Variants in TEPSIN observed in about 807,000 individuals in gnomAD.
TEPSIN encodes the protein TEPSIN adaptor related protein complex 4 accessory protein.
TEPSIN carries 50 observed loss-of-function variants against 48.5 expected under a neutral mutation model. The observed-to-expected ratio is 1.03, with a 90% confidence interval of 0.82 to 1.31. TEPSIN has a LOEUF of 1.31. TEPSIN is among the 50% of genes most tolerant of loss of function. The pLI, the probability that TEPSIN is intolerant of heterozygous loss-of-function variation, is 0.00. For synonymous variants in TEPSIN, 392 were observed against 358.8 expected (o/e 1.09, Z -1.05); for missense variants, 838 against 815.9 (o/e 1.03, Z -0.33).
In TEPSIN at chr17:81,229,273, C is replaced by T. The variant is rs375507130; in HGVS notation, c.1437G>A (p.Pro479=). The T allele has an allele frequency of 1.1e-5, 18 of 1,577,312 alleles. No individual in the cohort carries two copies. Among genetic ancestry groups the T allele is most frequent in the East Asian group, 9.2e-5 (4 of 43,610 alleles). ...SRSPAPSSGM[P]SSPVPTPPPD... is the part of the protein sequence containing the mutation. ...GGGGTGGGGTGGGCACAGGGCTGGACGGCATCCCAGATGAGGGAGCAGGGC... is the reference window on the plus strand; with the variant it reads ...GGGGTGGGGTGGGCACAGGGCTGGATGGCATCCCAGATGAGGGAGCAGGGC... Residue 479 remains proline, a synonymous_variant, in exon 13 of 13, where the codon CCG becomes CCA. Transcript: ENST00000637944.
chr17:81,234,759 G>T lies in TEPSIN; in HGVS notation c.308-711C>A, dbSNP rs1339868130. 6.6e-6 allele frequency among the ~76,000 whole-genome samples: 1 copy of T among 152,008 alleles called. No individual in the cohort carries two copies. Among genetic ancestry groups the T allele is most frequent in the Non-Finnish European group, 1.5e-5 (1 of 67,976 alleles). On this transcript the variant is annotated intron_variant, in intron 4 of 12. Transcript: ENST00000637944. The surrounding 1 kb of genome is among the most constrained non-coding windows in gnomAD (Gnocchi z 5.4). ...CGGCCACAAGCTGAGTCAATGGCTG[G>T]ATGAACTGACACCCTGAGGCTGCCA...
chr17:81,233,294 C>T lies in TEPSIN; in HGVS notation c.526+138G>A, dbSNP rs1403847473. The T allele has an allele frequency of 1.1e-5, 11 of 1,029,094 alleles. No homozygotes were observed. Among genetic ancestry groups the T allele is most frequent in the African/African-American group, 1.6e-5 (1 of 62,166 alleles). 63.7% of individuals were successfully genotyped at this position (1,029,094 alleles called of 1,614,324 possible). A position where few individuals can be genotyped will look rare whatever the true frequency, so the allele number is the denominator to read the frequency against. On this transcript the variant is annotated intron_variant, in intron 7 of 12. Transcript: ENST00000637944. This position sits in a 1 kb window ranked among gnomAD's most constrained non-coding sequence, Gnocchi z 5.8. ...GCCAGAGAGAGACAGTGGGGACAGCCCCAGGAAGGGTTGAGGCCATGTAGG... is the reference window on the plus strand; with the variant it reads ...GCCAGAGAGAGACAGTGGGGACAGCTCCAGGAAGGGTTGAGGCCATGTAGG...
At position 81,228,437 on chromosome 17, in the gene TEPSIN, T is replaced by TTAAA; in HGVS notation, c.*490_*491insTTTA. ...GCCAGGGAAGGATCACGTAGGGATC[T>TTAAA]GAGACTTGAAATGGCCTCAGGCCAG... On this transcript the variant is annotated 3_prime_UTR_variant, in exon 13 of 13. Transcript: ENST00000637944. The TTAAA allele has an allele frequency of 7.8e-5, 16 of 206,346 alleles. No individual in the cohort carries two copies. Among genetic ancestry groups the TTAAA allele is most frequent in the South Asian group, 2.1e-4 (3 of 14,466 alleles). 12.8% of individuals were successfully genotyped at this position (206,346 alleles called of 1,614,324 possible). A position where few individuals can be genotyped will look rare whatever the true frequency, so the allele number is the denominator to read the frequency against.
chr17:81,230,240 G>A lies in TEPSIN; in HGVS notation c.1233+304C>T. The A allele has an allele frequency of 2.5e-6, 1 of 406,014 alleles. No homozygotes were observed. The highest frequency in any genetic ancestry group is 4.9e-5 in the East Asian group (1 of 20,324). 25.2% of individuals were successfully genotyped at this position (406,014 alleles called of 1,614,324 possible). A position where few individuals can be genotyped will look rare whatever the true frequency, so the allele number is the denominator to read the frequency against. On this transcript the variant is annotated intron_variant, in intron 12 of 12. Coordinates refer to ENST00000637944, the MANE Select transcript of TEPSIN (RefSeq NM_001363764.2). This position sits in a 1 kb window ranked among gnomAD's most constrained non-coding sequence, Gnocchi z 4.2. ...CAGTCAGGGAGGGCTTCCTGGAAGA[G>A]GTAAGTGTGAGGCCAAGACACAAGG...
Position 81,232,613 on chromosome 17 carries a change from G to T in TEPSIN, c.527-95C>A, listed in dbSNP as rs1021979708. On this transcript the variant is annotated intron_variant, in intron 7 of 12. Transcript: ENST00000637944. ...GTGCCCGCATCGGCTCCCTGCTCAAGCTTGGAGAGGTCGGGGTACATGCTG... is the reference window on the plus strand; with the variant it reads ...GTGCCCGCATCGGCTCCCTGCTCAATCTTGGAGAGGTCGGGGTACATGCTG... 32 of 1,195,706 alleles carry T rather than the reference G, an allele frequency of 2.7e-5. No individual in the cohort carries two copies. In the South Asian group the frequency reaches 4.6e-4, roughly 17 times the overall value. 74.1% of individuals were successfully genotyped at this position (1,195,706 alleles called of 1,614,324 possible).
intron 1 of TEPSIN, 172 bp from the exon 2 acceptor site, chr17:81,237,631 G>A: frequency 5.9e-6 from 4 of 683,076 alleles, no homozygotes. Context: ...CTGCAGCAGG[G>A]TCCTCTCTCA....
Position 81,228,331 on chromosome 17 carries a change from G to A in TEPSIN, c.*597C>T, listed in dbSNP as rs1243980493. The A allele has an allele frequency of 6.5e-6, 1 of 154,418 alleles. No homozygotes were observed. Among genetic ancestry groups the A allele is most frequent in the African/African-American group, 2.4e-5 (1 of 41,478 alleles). 9.6% of individuals were successfully genotyped at this position (154,418 alleles called of 1,614,324 possible). Reference sequence around the variant, plus strand: ...AGCATAAACCCCAGCGCTCTTGGAAGGTTTTTCTGAGATGGACCAGAGGCT... The same window carrying A: ...AGCATAAACCCCAGCGCTCTTGGAAAGTTTTTCTGAGATGGACCAGAGGCT... On this transcript the variant is annotated 3_prime_UTR_variant, in exon 13 of 13. Transcript: ENST00000637944.
rs2146843232 is a variant in TEPSIN at position 81,234,508 on chromosome 17, G to A, written c.308-460C>T. 6.6e-6 allele frequency among the ~76,000 whole-genome samples: 1 copy of A among 152,180 alleles called. No individual in the cohort carries two copies. Among genetic ancestry groups the A allele is most frequent in the South Asian group, 2.1e-4 (1 of 4,818 alleles). On this transcript the variant is annotated intron_variant, in intron 4 of 12. Transcript: ENST00000637944. This position sits in a 1 kb window ranked among gnomAD's most constrained non-coding sequence, Gnocchi z 5.4. ...CTGAGAGTTCCTGTCATGATGAACT[G>A]GGGCTTCTTTCCTTAAATCTTCCGG...
Position 81,230,969 on chromosome 17 carries a change from TG to T in TEPSIN, c.1099-292del. On this transcript the variant is annotated intron_variant, in intron 11 of 12. Coordinates refer to ENST00000637944, the MANE Select transcript of TEPSIN (RefSeq NM_001363764.2). The surrounding 1 kb of genome is among the most constrained non-coding windows in gnomAD (Gnocchi z 4.2). ...CCAGAGCCATGTCCTCCCCGGCTCC[TG>T]GACAGACCCCAGCGAGAAGCACGTG... The T allele has an allele frequency of 1.6e-5, 8 of 489,802 alleles. No individual in the cohort carries two copies. The highest frequency in any genetic ancestry group is 2.7e-5 in the South Asian group (1 of 37,650). 30.3% of individuals were successfully genotyped at this position (489,802 alleles called of 1,614,324 possible).
rs1265673573 is a variant in TEPSIN, at chr17:81,234,950, C to T, written c.308-902G>A. Among the ~76,000 whole-genome samples the T allele has an allele frequency of 6.6e-6, 1 of 152,276 alleles. No homozygotes were observed. The highest frequency in any genetic ancestry group is 6.5e-5 in the Admixed American group (1 of 15,310). ...ATCAGCCTAATGGCTAAGGTCAGCA[C>T]GACCATGAACCACAAATAACATCTC... is the stretch of plus-strand genomic sequence containing the variant. On this transcript the variant is annotated intron_variant, in intron 4 of 12. Coordinates refer to ENST00000637944, the MANE Select transcript of TEPSIN (RefSeq NM_001363764.2). The surrounding 1 kb of genome is among the most constrained non-coding windows in gnomAD (Gnocchi z 5.4).
chr17:81,231,031 G>T (rs1307525117), intron 11 of TEPSIN: 1 of 457,064 alleles, frequency 2.2e-6, no homozygotes, highest in African/African-American at 2.4e-5. Flanking sequence ...TCATTCCTCC[G>T]CACGCCCCCC....
chr17:81,229,014 G>A lies in TEPSIN; in HGVS notation c.1696C>T (p.Arg566Cys), dbSNP rs138246287. 2.0e-5 allele frequency: 32 copies of A among 1,613,404 alleles called. No individual in the cohort carries two copies. The highest frequency in any genetic ancestry group is 1.7e-4 in the African/African-American group (13 of 74,908). Residue 566 changes from arginine to cysteine, a missense_variant, in exon 13 of 13, where the codon CGC (arginine) becomes TGC (cysteine). Transcript: ENST00000637944. ...AAGESCPDAP[R>C]APQTSSQRTA... is the part of the protein sequence containing the mutation. ...CTCTGGGACGATGTTTGGGGGGCGCGGGGAGCATCAGGACAGGACTCTCCC... is the reference window on the plus strand; with the variant it reads ...CTCTGGGACGATGTTTGGGGGGCGCAGGGAGCATCAGGACAGGACTCTCCC...
rs544653517 is a variant in TEPSIN at position 81,236,992 on chromosome 17, G to A, written c.201C>T (p.His67=). The A allele has an allele frequency of 5.7e-6, 9 of 1,584,206 alleles. No individual in the cohort carries two copies. Among genetic ancestry groups the A allele is most frequent in the Admixed American group, 3.5e-5 (2 of 56,606 alleles). Residue 67 remains histidine, a synonymous_variant, in exon 3 of 13, where the codon CAC becomes CAT. Transcript: ENST00000637944. ...LLSRLHSSSG[H]GKLKVLKILL... ...CCCAGGGGCTCACCTTGAGCTTCCC[G>A]TGGCCGGAGCTGCTGTGCAGGCGGC...
At chr17:81,238,398 C>G (rs1049689212) in intron 1 of TEPSIN, 1 of 272,558 alleles carries the variant, frequency 3.7e-6, no homozygotes, top group South Asian at 1.4e-4. Flanking sequence ...CCAGCCCCCT[C>G]TGAGGTCCAG....
chr17:81,231,908 T>G lies in TEPSIN; in HGVS notation c.844A>C (p.Ser282Arg), dbSNP rs1414219463. The G allele has an allele frequency of 6.2e-7, 1 of 1,613,678 alleles. No homozygotes were observed. The highest frequency in any genetic ancestry group is 8.5e-7 in the Non-Finnish European group (1 of 1,179,988). Residue 282 changes from serine (S) to arginine (R), a missense_variant, in exon 9 of 13, where the codon AGT becomes CGT. Coordinates refer to ENST00000637944, the MANE Select transcript of TEPSIN (RefSeq NM_001363764.2). Reference protein sequence around the residue: ...SDLSRVSDSGSHSGSDSHSGA... With the variant: ...SDLSRVSDSGRHSGSDSHSGA... The stretch of plus-strand genomic sequence containing the variant: ...GAATGGCTGTCGCTGCCGGAATGAC[T>G]GCCCGAGTCCGAGACCCTGCTCAGG...
Position 81,233,553 on chromosome 17 carries a change from G to C in TEPSIN, c.455-50C>G, listed in dbSNP as rs545834106. On this transcript the variant is annotated intron_variant, in intron 6 of 12. Transcript: ENST00000637944. The surrounding 1 kb of genome is among the most constrained non-coding windows in gnomAD (Gnocchi z 5.8). ...CAAGCCGGCCCCCACCCTCGGCCCT[G>C]CCCACGGATGGCACAGACACCCAGG... 6.4e-7 allele frequency: 1 copy of C among 1,563,712 alleles called. No homozygotes were observed. The highest frequency in any genetic ancestry group is 1.3e-5 in the African/African-American group (1 of 74,282).
In TEPSIN at chr17:81,228,530, C is replaced by G. The variant is rs1221279360; in HGVS notation, c.*398G>C. On this transcript the variant is annotated 3_prime_UTR_variant, in exon 13 of 13. Transcript: ENST00000637944. The stretch of plus-strand genomic sequence containing the variant: ...CACCAAACCCAGCCTCAGCACCTAG[C>G]CCACCCCGATGGGACGGGGGAGCAG... 1 of 300,624 alleles carries G rather than the reference C, an allele frequency of 3.3e-6. No homozygotes were observed. Among genetic ancestry groups the G allele is most frequent in the Non-Finnish European group, 6.3e-6 (1 of 159,340 alleles). 18.6% of individuals were successfully genotyped at this position (300,624 alleles called of 1,614,324 possible). A position where few individuals can be genotyped will look rare whatever the true frequency, so the allele number is the denominator to read the frequency against.
Position 81,229,356 on chromosome 17 carries a change from G to T in TEPSIN, c.1354C>A (p.Leu452Ile), listed in dbSNP as rs1324021231. ...PSDLLTDAVP[L>I]PGSQVFLQPL... ...TGCAGGAAGACCTGGCTCCCAGGGA[G>T]AGGCACAGCGTCGGTCAGCAGGTCA... The change falls in exon 13 of 13, where the codon CTC (leucine) becomes ATC (isoleucine). Residue 452 changes from leucine (L) to isoleucine (I), a missense_variant. By Grantham distance (5) the Leu-to-Ile change is conservative. Coordinates refer to ENST00000637944, the MANE Select transcript of TEPSIN (RefSeq NM_001363764.2). 6.4e-7 allele frequency: 1 copy of T among 1,562,000 alleles called. No homozygotes were observed. The highest frequency in any genetic ancestry group is 1.4e-5 in the African/African-American group (1 of 73,726).
rs371723476 is a variant in TEPSIN, at chr17:81,231,913, G to A, written c.839C>T (p.Ser280Leu). 9.4e-5 allele frequency: 151 copies of A among 1,613,512 alleles called. No individual in the cohort carries two copies. Among genetic ancestry groups the A allele is most frequent in the Non-Finnish European group, 1.2e-4 (136 of 1,180,010 alleles). The change falls in exon 9 of 13, where the codon TCG becomes TTG. Residue 280 changes from serine to leucine, a missense_variant. Transcript: ENST00000637944. Reference sequence around the variant, plus strand: ...GCTGTCGCTGCCGGAATGACTGCCCGAGTCCGAGACCCTGCTCAGGTCGCT... The same window carrying A: ...GCTGTCGCTGCCGGAATGACTGCCCAAGTCCGAGACCCTGCTCAGGTCGCT... Reference protein sequence around the residue: ...QNSDLSRVSDSGSHSGSDSHS... With the variant: ...QNSDLSRVSDLGSHSGSDSHS...
Sources: allele counts gnomAD v4.1 joint callset (sites outside exome capture counted in the v4.1 genomes callset), GRCh38; gene constraint gnomAD v4.1.1; non-coding constraint Gnocchi (gnomAD v3.1); transcripts MANE v1.5; gene names NCBI Gene and HGNC (gene_info 2026-07-23, HGNC 2026-07-21).